Variants in RAF1 observed in about 807,000 individuals in gnomAD.
RAF1 encodes Raf-1 proto-oncogene, serine/threonine kinase, also known as RAF proto-oncogene serine/threonine-protein kinase.
Under a neutral mutation model 81.1 loss-of-function variants are expected in RAF1, and 27 were observed. That is an observed-to-expected ratio of 0.33 (90% CI 0.25 to 0.46). RAF1 has a LOEUF of 0.46. Among genes scored for constraint, RAF1 ranks in the 20% least tolerant of loss-of-function variants. The probability of loss-of-function intolerance (pLI) is 1.00; values close to 1 mark genes in which losing one functional copy is unlikely to be tolerated. For missense variants in RAF1, 598 were observed against 826.0 expected, an observed-to-expected ratio of 0.72 and a Z score of 3.38; for synonymous variants, 298 against 294.0, an observed-to-expected ratio of 1.01 and a Z score of -0.14.
rs2058530518 is a variant in RAF1, at chr3:12,591,994, C to A, written c.1169-202G>T. ...GCTAGAGTGCAGTGGCACATTGCAGCCTTGACCTCCAGGGCTTAAGCAATC... is the reference window on the plus strand; with the variant it reads ...GCTAGAGTGCAGTGGCACATTGCAGACTTGACCTCCAGGGCTTAAGCAATC... On this transcript the variant is annotated intron_variant, in intron 11 of 17. Transcript: ENST00000442415. 4 of 608,010 alleles carry A rather than the reference C, an allele frequency of 6.6e-6. No homozygotes were observed. In the South Asian group the frequency reaches 7.4e-5, roughly 11 times the overall value. The allele number at this position is 608,010 out of a possible 1,614,324, so 37.7% of individuals were successfully genotyped here.
Position 12,608,498 on chromosome 3 carries a change from C to G in RAF1, c.581+268G>C. On this transcript the variant is annotated intron_variant, in intron 5 of 17. Transcript: ENST00000442415. ...ATCTTCTTGTTTTCATATCCTTTTG[C>G]TCCTTTCCTTACTGAATCACAGTCA... The G allele has an allele frequency of 8.1e-6, 4 of 495,268 alleles. No homozygotes were observed. In the South Asian group the frequency reaches 9.0e-5, roughly 11 times the overall value. The allele number at this position is 495,268 out of a possible 1,614,324, so 30.7% of individuals were successfully genotyped here. A position where few individuals can be genotyped will look rare whatever the true frequency, so the allele number is the denominator to read the frequency against.
At chr3:12,628,874 C>T (rs1228969092) in intron 1 of RAF1, among the ~76,000 whole-genome samples, 1 of 151,876 alleles carries the variant, frequency 6.6e-6, no homozygotes, top group Admixed American at 6.6e-5. Context: ...CCTTCAGCCT[C>T]CTAGGTAGCT....
intron 1 of RAF1, among the ~76,000 whole-genome samples, chr3:12,629,438 TAATGTATTAGCTAATACAG>T (rs767527078): frequency 6.6e-6 from 1 of 152,208 alleles, no homozygotes; most frequent in Non-Finnish European, 1.5e-5. Flanking sequence ...TGATATTAGC[TAATGTATTAGCTAATACAG>T]AATGCTTATT....
At chr3:12,628,887 G>A (rs1293119154) in intron 1 of RAF1, among the ~76,000 whole-genome samples, 1 of 151,978 alleles carries the variant, frequency 6.6e-6, no homozygotes, top group South Asian at 2.1e-4. Flanking sequence ...AGGTAGCTAG[G>A]ACTGCAGGTG....
intron 1 of RAF1, among the ~76,000 whole-genome samples, chr3:12,661,867 C>T (rs898852189): frequency 6.6e-6 from 1 of 151,676 alleles, no homozygotes; most frequent in Non-Finnish European, 1.5e-5. Context: ...TAAGTCAAAA[C>T]ATTTGATATA....
intron 1 of RAF1, among the ~76,000 whole-genome samples, chr3:12,619,719 A>G (rs1196533499): frequency 6.6e-6 from 1 of 152,184 alleles, no homozygotes; most frequent in Non-Finnish European, 1.5e-5. Flanking sequence ...CCTGAAAAAA[A>G]GTGTAAGCCA....
chr3:12,612,283 C>G (rs775318264), intron 2 of RAF1, among the ~76,000 whole-genome samples: 3 of 152,124 alleles, frequency 2.0e-5, no homozygotes, highest in Non-Finnish European at 4.4e-5. Flanking sequence ...TTATAATGAC[C>G]TGGATGGAGA....
chr3:12,636,744 C>G (rs369606675), intron 1 of RAF1, among the ~76,000 whole-genome samples: 4 of 150,932 alleles, frequency 2.7e-5, no homozygotes, highest in African/African-American at 9.7e-5. Flanking sequence ...GAGGTGGAGG[C>G]TGCTGTGAGC....
chr3:12,617,121 A>G (rs890468915), intron 2 of RAF1, among the ~76,000 whole-genome samples: 1 of 150,672 alleles, frequency 6.6e-6, no homozygotes, highest in Non-Finnish European at 1.5e-5. Flanking sequence ...TTTTGTTGTT[A>G]TTTCTTTTTT....
rs185534465 is a variant in RAF1, at chr3:12,628,575, G to T, written c.-26-9828C>A. 7.6e-3 allele frequency among the ~76,000 whole-genome samples: 1,148 copies of T among 151,812 alleles called. 7 individuals are homozygous for T. Among genetic ancestry groups the T allele is most frequent in the African/African-American group, 0.025 (1,052 of 41,384 alleles). ...ACTAGTTTTCATGTATTTCATTATC[G>T]TGTTAATAAGAAAAAAATCTCAGTA... On this transcript the variant is annotated intron_variant, in intron 1 of 17. Transcript: ENST00000442415.
intron 1 of RAF1, among the ~76,000 whole-genome samples, chr3:12,657,685 C>T (rs1397172388): frequency 6.6e-6 from 1 of 151,878 alleles, no homozygotes; most frequent in Non-Finnish European, 1.5e-5. Context: ...GCAGGAGAAT[C>T]GCTTGAACCC....
At chr3:12,644,163 T>C (rs1051563066) in intron 1 of RAF1, among the ~76,000 whole-genome samples, 1 of 152,158 alleles carries the variant, frequency 6.6e-6, no homozygotes, top group Non-Finnish European at 1.5e-5. Context: ...TACAATGAAG[T>C]AGCTTCGGGA....
intron 5 of RAF1, 95 bp downstream of exon 5, chr3:12,608,671 A>G: frequency 7.3e-7 from 1 of 1,375,244 alleles, no homozygotes; most frequent in Non-Finnish European, 1.0e-6. Flanking sequence ...TGAGTCTAGA[A>G]TCCAGACCTG....
chr3:12,628,756 G>C (rs975552950), intron 1 of RAF1, among the ~76,000 whole-genome samples: 144 of 139,122 alleles, frequency 1.0e-3, no homozygotes, highest in African/African-American at 3.6e-3. Flanking sequence ...ATTTTTGGGG[G>C]GGGGGGGTGG....
chr3:12,591,104 A>AAAAC, intron 12 of RAF1, 130 bp from the exon 12 acceptor site: 1 of 822,544 alleles, frequency 1.2e-6, no homozygotes, highest in South Asian at 1.7e-5. Flanking sequence ...CCCAGTCCCA[A>AAAAC]AAACAAACAC....
chr3:12,591,638 C>T, intron 12 of RAF1, 70 bp downstream of exon 11: 1 of 1,395,580 alleles, frequency 7.2e-7, no homozygotes. Flanking sequence ...GCACAGTCCA[C>T]TAACTCTACA....
At position 12,585,784 on chromosome 3, in the gene RAF1, T is replaced by C; in HGVS notation, c.1493A>G (p.Glu498Gly). 1 of 1,612,064 alleles carries C rather than the reference T, an allele frequency of 6.2e-7. No individual in the cohort carries two copies. The highest frequency in any genetic ancestry group is 8.5e-7 in the Non-Finnish European group (1 of 1,178,106). ...ATCTCCAATTTTCACTGTTAAGCCT[T>C]CATGGAGAAATATATCTCAATGCTT... Residue 498 changes from glutamate to glycine, a missense_variant, in exon 15 of 18, where the codon GAA (glutamate) becomes GGA (glycine). This residue lies in a region of RAF1 where 85 missense variants were observed against 185.6 expected (regional missense o/e 0.46). Transcript: ENST00000442415.
chr3:12,613,757 G>A (rs528457656), intron 2 of RAF1, among the ~76,000 whole-genome samples: 1 of 152,266 alleles, frequency 6.6e-6, no homozygotes, highest in Admixed American at 6.5e-5. Context: ...CATCAGAGAG[G>A]GGCAACGTAA....
At position 12,584,859 on chromosome 3, in the gene RAF1, A is replaced by G; in HGVS notation, c.1851T>C (p.Pro617=). The G allele has an allele frequency of 6.2e-7, 1 of 1,614,104 alleles. No homozygotes were observed. Among genetic ancestry groups the G allele is most frequent in the Non-Finnish European group, 8.5e-7 (1 of 1,179,988 alleles). Residue 617 remains proline (P), a synonymous_variant, in exon 17 of 18, where the codon CCT becomes CCC. Transcript: ENST00000442415. ...CCCTGAGCCTTACCTGGGGAAAAAG[A>G]GGCCTCTCTTCCTTTACTTTCTTCA...
Sources: gnomAD v4.1 joint callset for allele counts (sites outside exome capture counted in the v4.1 genomes callset) on GRCh38, gnomAD v4.1.1 for gene constraint, gnomAD v4.1.1 regional missense constraint, MANE v1.5 for transcripts, NCBI Gene and HGNC (gene_info 2026-07-23, HGNC 2026-07-21) for gene names.